HPSE2: variants seen among roughly 807,000 people sequenced by gnomAD.
HPSE2 encodes the protein heparanase 2 (inactive).
HPSE2 carries 38 observed loss-of-function variants against 60.5 expected under a neutral mutation model. The observed-to-expected ratio is 0.63, with a 90% CI of 0.48 to 0.82. The LOEUF (loss-of-function observed/expected upper bound fraction) is 0.82, where lower values mean the gene tolerates loss of function less well. Ranked by LOEUF, HPSE2 falls within the 40% of genes least tolerant of loss-of-function variation. The probability of loss-of-function intolerance (pLI) is 0.00; values close to 1 mark genes in which losing one functional copy is unlikely to be tolerated. For missense variants in HPSE2, 713 were observed against 740.4 expected (o/e 0.96, Z 0.43); for synonymous variants, 295 against 293.2 (o/e 1.01, Z -0.06).
intron 3 of HPSE2, among the ~76,000 whole-genome samples, chr10:98,808,189 C>G (rs919492936): frequency 6.6e-6 from 1 of 152,134 alleles, no homozygotes; most frequent in Admixed American, 6.6e-5. Context: ...TAAGAAACTT[C>G]TGAACCCCAA....
At chr10:98,947,205 G>A (rs1349708925) in intron 3 of HPSE2, among the ~76,000 whole-genome samples, 1 of 152,156 alleles carries the variant, frequency 6.6e-6, no homozygotes. Flanking sequence ...CATCACTGCA[G>A]CTATTCCAGA....
chr10:99,073,550 G>C (rs939692644), intron 3 of HPSE2, among the ~76,000 whole-genome samples: 1 of 152,148 alleles, frequency 6.6e-6, no homozygotes, highest in Non-Finnish European at 1.5e-5. Context: ...GTGATGGGTT[G>C]ATAGGTGCGG....
In HPSE2 at chr10:98,457,407, C is replaced by A. The variant is rs535503114; in HGVS notation, c.*2167G>T. ...GGTGCCCCTGGGCGAGCCATGGATC[C>A]TCTCCATGCCTCGTAGGAAAAATGG... On this transcript the variant is annotated 3_prime_UTR_variant, in exon 12 of 12. Coordinates refer to ENST00000370552, the MANE Select transcript of HPSE2 (RefSeq NM_021828.5). 6.6e-6 allele frequency: 1 copy of A among 152,160 alleles called. No homozygotes were observed. The highest frequency in any genetic ancestry group is 1.5e-5 in the Non-Finnish European group (1 of 68,040). The allele number at this position is 152,160 out of a possible 1,614,324, so 9.4% of individuals were successfully genotyped here.
chr10:98,462,252 C>T (rs1378196643), intron 11 of HPSE2, among the ~76,000 whole-genome samples: 1 of 152,166 alleles, frequency 6.6e-6, no homozygotes, highest in Non-Finnish European at 1.5e-5. Flanking sequence ...ATTCTTGGCT[C>T]ACTGCAACCT....
At chr10:98,838,288 G>A (rs927577971) in intron 3 of HPSE2, among the ~76,000 whole-genome samples, 8 of 152,124 alleles carry the variant, frequency 5.3e-5, no homozygotes, top group Admixed American at 3.9e-4. Context: ...TCTGTAAGAT[G>A]TAGATAATAG....
chr10:98,802,669 C>T (rs1589850562), intron 3 of HPSE2, among the ~76,000 whole-genome samples: 1 of 151,806 alleles, frequency 6.6e-6, no homozygotes, highest in African/African-American at 2.4e-5. Flanking sequence ...TTTATGGCTG[C>T]ATAGTATTCC....
chr10:98,561,577 G>A (rs2133875235), intron 9 of HPSE2, among the ~76,000 whole-genome samples: 1 of 152,334 alleles, frequency 6.6e-6, no homozygotes, highest in Non-Finnish European at 1.5e-5. Flanking sequence ...GCCAGGTGCA[G>A]TGGCTCATGC....
intron 3 of HPSE2, among the ~76,000 whole-genome samples, chr10:98,766,170 T>A (rs1038179385): frequency 9.9e-5 from 15 of 152,154 alleles, no homozygotes; most frequent in Non-Finnish European, 1.9e-4. Context: ...AATTCAAGAA[T>A]AACGTCCATA....
intron 3 of HPSE2, among the ~76,000 whole-genome samples, chr10:98,826,982 T>G (rs1951563615): frequency 6.6e-6 from 1 of 151,862 alleles, no homozygotes; most frequent in Admixed American, 6.6e-5. Flanking sequence ...ACCTCATCAC[T>G]ACAAAATTTT....
At chr10:98,682,564 C>G (rs1052766207) in intron 6 of HPSE2, among the ~76,000 whole-genome samples, 2 of 152,088 alleles carry the variant, frequency 1.3e-5, no homozygotes, top group South Asian at 4.2e-4. Flanking sequence ...GGCTGACTGG[C>G]AGCTGTGGCT....
Position 98,937,156 on chromosome 10 carries a change from G to A in HPSE2, c.611-193100C>T, listed in dbSNP as rs745654394. On this transcript the variant is annotated intron_variant, in intron 3 of 11. Transcript: ENST00000370552. The stretch of plus-strand genomic sequence containing the variant: ...TGGTCTACAGCTCCCAGCGTTAAGC[G>A]ACACAGAACACGGGTGATTTCTGCA... Among the ~76,000 whole-genome samples the A allele has an allele frequency of 4.2e-5, 6 of 143,848 alleles. 1 individual carries two copies. The highest frequency in any genetic ancestry group is 6.0e-5 in the Non-Finnish European group (4 of 67,174). The allele number at this position is 143,848 out of a possible 152,430, so 94.4% of individuals were successfully genotyped here. A position where few individuals can be genotyped will look rare whatever the true frequency, so the allele number is the denominator to read the frequency against.
chr10:99,290,257 C>G, the HPSE2 span, among the ~76,000 whole-genome samples: 13 of 151,988 alleles, frequency 8.6e-5, no homozygotes, highest in Non-Finnish European at 1.5e-4. Flanking sequence ...GTGAAAAAGC[C>G]AGAGTGAAAA....
rs192218941 is a variant in HPSE2, at chr10:98,459,129, T to C, written c.*445A>G. 2.5e-5 allele frequency: 6 copies of C among 240,244 alleles called. No homozygotes were observed. The highest frequency in any genetic ancestry group is 2.5e-4 in the Admixed American group (5 of 20,138). 14.9% of individuals were successfully genotyped at this position (240,244 alleles called of 1,614,324 possible). A position where few individuals can be genotyped will look rare whatever the true frequency, so the allele number is the denominator to read the frequency against. The stretch of plus-strand genomic sequence containing the variant: ...CAGAGAAGAAGGAGTTGGGAGAGGA[T>C]GGGTTTTTGTAGGTCCACCCAGTTT... On this transcript the variant is annotated 3_prime_UTR_variant, in exon 12 of 12. Coordinates refer to ENST00000370552, the MANE Select transcript of HPSE2 (RefSeq NM_021828.5).
chr10:98,953,204 C>A (rs4444007), intron 3 of HPSE2, among the ~76,000 whole-genome samples: 130,819 of 152,154 alleles, frequency 0.86, 56,625 homozygotes, highest in African/African-American at 0.95. Flanking sequence ...TAAGATGTTC[C>A]ATAAAAGGCT....
intron 2 of HPSE2, among the ~76,000 whole-genome samples, chr10:99,174,851 C>CTG (rs1274290706): frequency 6.6e-6 from 1 of 152,204 alleles, no homozygotes; most frequent in African/African-American, 2.4e-5. Context: ...CAGCTCCAGT[C>CTG]TGTAGCTCCC....
At chr10:98,592,494 C>T (rs1173706408) in intron 9 of HPSE2, among the ~76,000 whole-genome samples, 1 of 152,148 alleles carries the variant, frequency 6.6e-6, no homozygotes, top group Non-Finnish European at 1.5e-5. Context: ...TATTTCCTGT[C>T]CATATTTTTA....
chr10:98,996,352 G>A (rs1411850095), intron 3 of HPSE2, among the ~76,000 whole-genome samples: 1 of 152,110 alleles, frequency 6.6e-6, no homozygotes, highest in African/African-American at 2.4e-5. Flanking sequence ...AATGTTGGTG[G>A]GGATATGGAG....
At chr10:98,518,615 G>T (rs1223820856) in intron 9 of HPSE2, among the ~76,000 whole-genome samples, 1 of 151,996 alleles carries the variant, frequency 6.6e-6, no homozygotes. Flanking sequence ...GCTGAGGCAG[G>T]AGAATCGCTT....
intron 10 of HPSE2, among the ~76,000 whole-genome samples, chr10:98,485,838 T>C (rs1591253505): frequency 6.6e-6 from 1 of 152,132 alleles, no homozygotes; most frequent in African/African-American, 2.4e-5. Flanking sequence ...CTTGCATTTA[T>C]GAGTTTCTCC....
Sources: gnomAD v4.1 joint callset for allele counts (sites outside exome capture counted in the v4.1 genomes callset) on GRCh38, gnomAD v4.1.1 for gene constraint, MANE v1.5 for transcripts, NCBI Gene and HGNC (gene_info 2026-07-23, HGNC 2026-07-21) for gene names.